PPP1R9A: variants seen among roughly 807,000 people sequenced by gnomAD.
PPP1R9A encodes the protein protein phosphatase 1 regulatory subunit 9A.
PPP1R9A carries 59 observed loss-of-function variants against 141.9 expected under a neutral mutation model. The ratio of observed to expected loss-of-function variants is 0.42; its 90% confidence interval spans 0.34 to 0.52. The LOEUF (loss-of-function observed/expected upper bound fraction) is 0.52, where lower values mean the gene tolerates loss of function less well. Ranked by LOEUF, PPP1R9A falls within the 20% of genes least tolerant of loss-of-function variation. PPP1R9A has a pLI of 0.10. For missense variants in PPP1R9A, 1,444 were observed against 1,611.9 expected (o/e 0.90, Z 1.78); for synonymous variants, 500 against 569.7 (o/e 0.88, Z 1.74).
At chr7:95,280,223 T>C (rs1803943075) in intron 16 of PPP1R9A, among the ~76,000 whole-genome samples, 2 of 152,224 alleles carry the variant, frequency 1.3e-5, no homozygotes, top group African/African-American at 4.8e-5. Flanking sequence ...TTTAGGTAAA[T>C]ACAAGTCTGC....
chr7:95,243,876 C>A (rs1797777554), intron 8 of PPP1R9A, among the ~76,000 whole-genome samples: 1 of 152,020 alleles, frequency 6.6e-6, no homozygotes, highest in South Asian at 2.1e-4. Flanking sequence ...GTGGAAAGAA[C>A]CATGGGCTGG....
intron 7 of PPP1R9A, among the ~76,000 whole-genome samples, chr7:95,210,132 T>G (rs11762113): frequency 0.41 from 62,635 of 151,946 alleles, 13,271 homozygotes; most frequent in South Asian, 0.5. Flanking sequence ...GGGACTTAAA[T>G]ACAATAGCAT....
At chr7:95,181,293 TATAGA>T (rs1833720460) in intron 5 of PPP1R9A, among the ~76,000 whole-genome samples, 1 of 141,952 alleles carries the variant, frequency 7.0e-6, no homozygotes, top group Non-Finnish European at 1.5e-5. Context: ...CCATCATATA[TATAGA>T]ATAGAGAGAA....
chr7:95,284,833 GC>G (rs1166174618), intron 17 of PPP1R9A, among the ~76,000 whole-genome samples: 1 of 152,212 alleles, frequency 6.6e-6, no homozygotes, highest in Non-Finnish European at 1.5e-5. Context: ...GTTATTTCCA[GC>G]ATGACACTGC....
chr7:95,183,698 C>T (rs1032456087), intron 5 of PPP1R9A, among the ~76,000 whole-genome samples: 7 of 151,644 alleles, frequency 4.6e-5, no homozygotes, highest in Admixed American at 3.3e-4. Flanking sequence ...CCACCCGCCT[C>T]GGGCTCCCAA....
intron 7 of PPP1R9A, among the ~76,000 whole-genome samples, chr7:95,220,301 C>T (rs777922757): frequency 8.5e-5 from 13 of 152,104 alleles, no homozygotes; most frequent in Non-Finnish European, 1.5e-4. Context: ...TATTCTCTCA[C>T]AGAAGTGCGT....
rs2116156574 is a variant in PPP1R9A, at chr7:95,292,092, A to G, written c.*1789A>G. On this transcript the variant is annotated 3_prime_UTR_variant, in exon 20 of 20. Transcript: ENST00000433360. ...TCATTCAATCCTCAGAAACGTTGAC[A>G]TGAAGTAACATTGTGTTTTACAGTT... The G allele has an allele frequency of 6.6e-6, 1 of 152,318 alleles. No individual in the cohort carries two copies. Among genetic ancestry groups the G allele is most frequent in the East Asian group, 1.9e-4 (1 of 5,180 alleles). The allele number at this position is 152,318 out of a possible 1,614,324, so 9.4% of individuals were successfully genotyped here. A position where few individuals can be genotyped will look rare whatever the true frequency, so the allele number is the denominator to read the frequency against.
At chr7:94,917,574 AT>A (rs558296990) in intron 2 of PPP1R9A, among the ~76,000 whole-genome samples, 184 of 140,090 alleles carry the variant, frequency 1.3e-3, no homozygotes, top group Middle Eastern at 3.8e-3. Context: ...GCCTGTTATT[AT>A]TTTTTTTTTT....
intron 2 of PPP1R9A, among the ~76,000 whole-genome samples, chr7:95,021,374 C>T (rs1805939090): frequency 6.6e-6 from 1 of 151,258 alleles, no homozygotes; most frequent in African/African-American, 2.4e-5. Flanking sequence ...GATATTAGCC[C>T]TTTGTCAGAT....
chr7:94,942,803 CAATAAATAAATAAATA>C (rs142643808), intron 2 of PPP1R9A, among the ~76,000 whole-genome samples: 4,273 of 137,372 alleles, frequency 0.031, 97 homozygotes, highest in South Asian at 0.073. Flanking sequence ...GACTGTCTCT[CAATAAATAAATAAATA>C]AATAAATAAA....
chr7:95,223,776 G>A (rs1241212988), intron 7 of PPP1R9A, among the ~76,000 whole-genome samples: 1 of 151,960 alleles, frequency 6.6e-6, no homozygotes, highest in Non-Finnish European at 1.5e-5. Flanking sequence ...CCTGGTTTAA[G>A]CCTTCATAAT....
At chr7:95,236,484 G>T (rs2091463) in intron 8 of PPP1R9A, among the ~76,000 whole-genome samples, 86,684 of 151,470 alleles carry the variant, frequency 0.57, 24,971 homozygotes, top group South Asian at 0.64. Flanking sequence ...TTCAAGAAAT[G>T]TAGATATTTC....
Position 95,292,213 on chromosome 7 carries a change from GGTGC to G in PPP1R9A, c.*1911_*1914del, listed in dbSNP as rs1806463261. The G allele has an allele frequency of 6.6e-6, 1 of 152,252 alleles. No homozygotes were observed. Among genetic ancestry groups the G allele is most frequent in the Non-Finnish European group, 1.5e-5 (1 of 68,002 alleles). 9.4% of individuals were successfully genotyped at this position (152,252 alleles called of 1,614,324 possible). On this transcript the variant is annotated 3_prime_UTR_variant, in exon 20 of 20. Coordinates refer to ENST00000433360, the MANE Select transcript of PPP1R9A (RefSeq NM_001166160.2). ...ACTCTATTAATGTCTTGAGATGTCT[GGTGC>G]TTTGTTATTTTTTCACATCATGAGA...
chr7:95,050,891 T>C, intron 2 of PPP1R9A, among the ~76,000 whole-genome samples: 1 of 152,238 alleles, frequency 6.6e-6, no homozygotes, highest in East Asian at 1.9e-4. Context: ...AATTTTCTTC[T>C]TCCTGCTGGA....
In PPP1R9A at chr7:94,909,928, A is replaced by G. The variant is rs1791272264; in HGVS notation, c.-186A>G. ...CCTCTAGTCTTGCTTTGAAAAAATCATTCTGTGTAACTCTTGACTGTGACT... is the reference window on the plus strand; with the variant it reads ...CCTCTAGTCTTGCTTTGAAAAAATCGTTCTGTGTAACTCTTGACTGTGACT... On this transcript the variant is annotated 5_prime_UTR_variant, in exon 2 of 20. Coordinates refer to ENST00000433360, the MANE Select transcript of PPP1R9A (RefSeq NM_001166160.2). 2.1e-6 allele frequency: 1 copy of G among 476,300 alleles called. No individual in the cohort carries two copies. The highest frequency in any genetic ancestry group is 3.1e-5 in the East Asian group (1 of 32,628). 29.5% of individuals were successfully genotyped at this position (476,300 alleles called of 1,614,324 possible).
intron 4 of PPP1R9A, among the ~76,000 whole-genome samples, chr7:95,129,504 G>T (rs1824195218): frequency 6.6e-6 from 1 of 152,106 alleles, no homozygotes; most frequent in African/African-American, 2.4e-5. Context: ...TCAGCAGTTT[G>T]AAAACAGACT....
At chr7:95,240,274 AC>A (rs1797259311) in intron 8 of PPP1R9A, among the ~76,000 whole-genome samples, 1 of 152,086 alleles carries the variant, frequency 6.6e-6, no homozygotes, top group Admixed American at 6.6e-5. Context: ...TTCACCTTGT[AC>A]TTTAAAAATC....
intron 5 of PPP1R9A, among the ~76,000 whole-genome samples, chr7:95,188,938 G>A (rs1159787257): frequency 6.6e-6 from 1 of 152,018 alleles, no homozygotes; most frequent in Non-Finnish European, 1.5e-5. Context: ...TTCAATTTTG[G>A]TGCATTTCAA....
intron 7 of PPP1R9A, among the ~76,000 whole-genome samples, chr7:95,213,320 CTT>C (rs548473436): frequency 2.1e-4 from 27 of 129,086 alleles, no homozygotes; most frequent in Non-Finnish European, 1.8e-4. Context: ...CTTTCTCTTT[CTT>C]TTTTTTTTTT....
Sources: allele counts gnomAD v4.1 joint callset (sites outside exome capture counted in the v4.1 genomes callset), GRCh38; gene constraint gnomAD v4.1.1; transcripts MANE v1.5; gene names NCBI Gene and HGNC (gene_info 2026-07-23, HGNC 2026-07-21).